Variants in CD96 observed in about 807,000 individuals in gnomAD.
The protein encoded by CD96 is T-cell surface protein tactile.
CD96 carries 70 observed loss-of-function variants against 71.3 expected under a neutral mutation model. That is an observed-to-expected ratio of 0.98 (90% CI 0.81 to 1.20). The LOEUF is 1.20. CD96 is among the 50% of genes most tolerant of loss of function. CD96 has a pLI of 0.00. For synonymous variants in CD96, 248 were observed against 233.0 expected (o/e 1.06, Z -0.59); for missense variants, 742 against 677.5 (o/e 1.10, Z -1.06).
At chr3:111,605,548 G>A (rs960472568) in intron 7 of CD96, among the ~76,000 whole-genome samples, 3 of 152,192 alleles carry the variant, frequency 2.0e-5, no homozygotes, top group Non-Finnish European at 2.9e-5. Context: ...GAAGAAAAAG[G>A]ATGGTCATTT....
chr3:111,549,364 C>T lies in CD96; in HGVS notation c.418+3962C>T, dbSNP rs543679614. On this transcript the variant is annotated intron_variant, in intron 2 of 13. Coordinates refer to ENST00000352690, the MANE Select transcript of CD96 (RefSeq NM_005816.5). ...GAGGGATTACAGGTGAGGCAGTTGA[C>T]GATAAGGTTAGAAAGATTGATTAGT... Among the ~76,000 whole-genome samples the T allele has an allele frequency of 3.1e-4, 47 of 152,180 alleles. No homozygotes were observed. The South Asian group carries it at 7.0e-3, about 23-fold the overall frequency.
chr3:111,571,509 C>G (rs1360078196), intron 3 of CD96, among the ~76,000 whole-genome samples: 6 of 151,904 alleles, frequency 3.9e-5, no homozygotes, highest in Non-Finnish European at 8.8e-5. Context: ...GTAGACATTA[C>G]CTTTGGATTC....
At chr3:111,622,498 C>T (rs181410082) in intron 8 of CD96, among the ~76,000 whole-genome samples, 5 of 152,294 alleles carry the variant, frequency 3.3e-5, no homozygotes, top group Non-Finnish European at 5.9e-5. Flanking sequence ...AAAAGGTTAT[C>T]ATTGATGACC....
intron 12 of CD96, among the ~76,000 whole-genome samples, chr3:111,643,057 A>G (rs1257475929): frequency 6.7e-6 from 1 of 149,216 alleles, no homozygotes; most frequent in Non-Finnish European, 1.5e-5. Flanking sequence ...CTGAACATAG[A>G]TGCCAAAATC....
chr3:111,629,564 G>A (rs772820467), intron 10 of CD96, among the ~76,000 whole-genome samples: 1 of 152,134 alleles, frequency 6.6e-6, no homozygotes, highest in Non-Finnish European at 1.5e-5. Flanking sequence ...TGCAATAATA[G>A]TGGGAGACTT....
At chr3:111,642,102 A>G (rs1408825643) in intron 12 of CD96, among the ~76,000 whole-genome samples, 1 of 152,238 alleles carries the variant, frequency 6.6e-6, no homozygotes, top group African/African-American at 2.4e-5. Context: ...AGAAACAAGA[A>G]CAAACTGAAC....
intron 14 of CD96, among the ~76,000 whole-genome samples, chr3:111,657,614 T>C (rs1940264472): frequency 6.6e-6 from 1 of 152,176 alleles, no homozygotes; most frequent in Admixed American, 6.5e-5. Context: ...TGTTCTGTAT[T>C]ATAAGATTAT....
Position 111,649,899 on chromosome 3 carries a change from T to C in CD96, c.*93T>C. 1.2e-6 allele frequency: 1 copy of C among 847,698 alleles called. No homozygotes were observed. Among genetic ancestry groups the C allele is most frequent in the Non-Finnish European group, 2.0e-6 (1 of 495,800 alleles). The allele number at this position is 847,698 out of a possible 1,614,324, so 52.5% of individuals were successfully genotyped here. The stretch of plus-strand genomic sequence containing the variant: ...TATTAATATAGTCGCTCTTCAGCCA[T>C]GCCTTTGCTGCAGCTGAAATGGAAG... On this transcript the variant is annotated 3_prime_UTR_variant, in exon 14 of 14. Coordinates refer to ENST00000352690, the MANE Select transcript of CD96 (RefSeq NM_005816.5).
intron 3 of CD96, among the ~76,000 whole-genome samples, chr3:111,578,330 T>A (rs1559731913): frequency 6.6e-6 from 1 of 152,192 alleles, no homozygotes; most frequent in Non-Finnish European, 1.5e-5. Context: ...ACCTCAAATA[T>A]ACTCTGATCT....
chr3:111,550,755 T>G (rs1209343481), intron 2 of CD96, among the ~76,000 whole-genome samples: 1 of 152,106 alleles, frequency 6.6e-6, no homozygotes, highest in Non-Finnish European at 1.5e-5. Flanking sequence ...TGAGGAAGGT[T>G]TGAAACAGCT....
intron 2 of CD96, among the ~76,000 whole-genome samples, chr3:111,553,890 A>G (rs1934853505): frequency 6.6e-6 from 1 of 152,002 alleles, no homozygotes; most frequent in African/African-American, 2.4e-5. Flanking sequence ...CCTTTGTTAT[A>G]TAAGTTGCAA....
chr3:111,577,435 C>A, intron 3 of CD96: 1 of 1,086,792 alleles, frequency 9.2e-7, no homozygotes. Flanking sequence ...ATACTTAGAG[C>A]TCCTCTGGGG....
chr3:111,595,762 A>G (rs943089932), intron 5 of CD96, among the ~76,000 whole-genome samples: 1 of 151,700 alleles, frequency 6.6e-6, no homozygotes, highest in Non-Finnish European at 1.5e-5. Context: ...GTGTGTGTAT[A>G]CATATTTAGA....
chr3:111,583,605 G>A (rs537285923), intron 4 of CD96, among the ~76,000 whole-genome samples: 75 of 152,328 alleles, frequency 4.9e-4, no homozygotes, highest in South Asian at 3.5e-3. Context: ...CTAGGTAGAT[G>A]TTCCCAAACC....
intron 8 of CD96, among the ~76,000 whole-genome samples, chr3:111,619,722 G>T (rs1335441728): frequency 5.3e-5 from 8 of 151,832 alleles, no homozygotes; most frequent in African/African-American, 1.5e-4. Context: ...TGGCTATGAG[G>T]AATGCAAATA....
chr3:111,648,155 A>C (rs762661745), intron 13 of CD96, among the ~76,000 whole-genome samples: 5 of 152,200 alleles, frequency 3.3e-5, no homozygotes, highest in Non-Finnish European at 5.9e-5. Flanking sequence ...AAAGAAAGTA[A>C]GCATTGGGTT....
At chr3:111,579,307 A>G (rs1576342846) in intron 4 of CD96, 73 bp downstream of exon 4, 1 of 855,208 alleles carries the variant, frequency 1.2e-6, no homozygotes, top group East Asian at 2.4e-5. Context: ...AAGAGGAAGC[A>G]CCCTATTATG....
intron 5 of CD96, among the ~76,000 whole-genome samples, chr3:111,592,334 A>C (rs946636979): frequency 3.9e-5 from 6 of 152,244 alleles, no homozygotes; most frequent in African/African-American, 1.2e-4. Context: ...CTGAACATTT[A>C]AAGGTAAACA....
intron 12 of CD96, among the ~76,000 whole-genome samples, chr3:111,638,717 G>A (rs1403434736): frequency 6.6e-6 from 1 of 152,176 alleles, no homozygotes; most frequent in Non-Finnish European, 1.5e-5. Flanking sequence ...AACTTCAGGG[G>A]TGTTCACTTG....
Sources: gnomAD v4.1 joint callset for allele counts (sites outside exome capture counted in the v4.1 genomes callset) on GRCh38, gnomAD v4.1.1 for gene constraint, MANE v1.5 for transcripts, NCBI Gene and HGNC (gene_info 2026-07-23, HGNC 2026-07-21) for gene names.